CAST: variants seen among roughly 807,000 people sequenced by gnomAD.
The protein encoded by CAST is MIR583 host.
Under a neutral mutation model 119.6 loss-of-function variants are expected in CAST, and 76 were observed. That is an observed-to-expected ratio of 0.64 (90% CI 0.53 to 0.77). The LOEUF is 0.77. CAST is among the 30% of genes least tolerant of loss of function. The probability of loss-of-function intolerance (pLI) is 0.00; values close to 1 mark genes in which losing one functional copy is unlikely to be tolerated. For synonymous variants in CAST, 319 were observed against 331.6 expected (o/e 0.96, Z 0.41); for missense variants, 953 against 946.5 (o/e 1.01, Z -0.09).
the CAST span, among the ~76,000 whole-genome samples, chr5:95,989,332 T>C: frequency 2.6e-5 from 4 of 152,202 alleles, no homozygotes; most frequent in Non-Finnish European, 5.9e-5. Context: ...TTTTTAATTA[T>C]TTAGATGTTT....
intron 1 of CAST, among the ~76,000 whole-genome samples, chr5:96,563,663 ATTCT>A (rs1031413684): frequency 6.6e-6 from 1 of 152,092 alleles, no homozygotes; most frequent in African/African-American, 2.4e-5. Flanking sequence ...AAAAAAAAGC[ATTCT>A]TTATTTTTAA....
intron 3 of CAST, among the ~76,000 whole-genome samples, chr5:96,718,633 G>A (rs1160365184): frequency 1.3e-5 from 2 of 152,096 alleles, no homozygotes; most frequent in East Asian, 3.9e-4. Context: ...GGGAACCCAG[G>A]GCTCCTAAAG....
At chr5:96,452,956 C>CAAAAAAAATAAAAAAAAA in the CAST span, among the ~76,000 whole-genome samples, 1 of 62,718 alleles carries the variant, frequency 1.6e-5, no homozygotes, top group African/African-American at 1.2e-4. Flanking sequence ...GACTCCGTCT[C>CAAAAAAAATAAAAAAAAA]AAAAAAAAAA....
At chr5:96,639,908 T>C (rs1401894597) in intron 1 of CAST, among the ~76,000 whole-genome samples, 2 of 152,180 alleles carry the variant, frequency 1.3e-5, no homozygotes, top group Non-Finnish European at 2.9e-5. Flanking sequence ...GACCTTCTAA[T>C]TGACATCCAG....
chr5:96,017,635 C>T, the CAST span, among the ~76,000 whole-genome samples: 1 of 152,060 alleles, frequency 6.6e-6, no homozygotes, highest in Non-Finnish European at 1.5e-5. Flanking sequence ...TATCAAGAGT[C>T]AGTAAATCTT....
the CAST span, among the ~76,000 whole-genome samples, chr5:96,243,668 G>A: frequency 9.2e-5 from 14 of 152,180 alleles, no homozygotes; most frequent in South Asian, 2.3e-3. Flanking sequence ...TATTTTGCTC[G>A]CCAGAAATAG....
chr5:96,761,384 TAA>T (rs1767897950), intron 24 of CAST: 1 of 152,214 alleles, frequency 6.6e-6, no homozygotes, highest in African/African-American at 2.4e-5. Flanking sequence ...TATTACATTC[TAA>T]AACGGCTTTA....
upstream of CAST, chr5:96,662,329 C>CA: frequency 1.1e-6 from 1 of 906,740 alleles, no homozygotes. Context: ...CGCTCCCTCC[C>CA]TCCCTCCCTC....
chr5:96,757,662 C>T lies in CAST; in HGVS notation c.1833+8C>T, dbSNP rs1766610440. On this transcript the variant is annotated splice_region_variant and intron_variant, in intron 24 of 31. Coordinates refer to ENST00000675179, the MANE Select transcript of CAST (RefSeq NM_001750.7). The stretch of plus-strand genomic sequence containing the variant: ...CAAAATGCTTCATCTCTTGTAAGTC[C>T]AAAACTCTTGGTTTTATTTCTTTAG... The T allele has an allele frequency of 1.3e-6, 2 of 1,499,810 alleles. No homozygotes were observed. Among genetic ancestry groups the T allele is most frequent in the East Asian group, 2.3e-5 (1 of 44,300 alleles). 92.9% of individuals were successfully genotyped at this position (1,499,810 alleles called of 1,614,324 possible). A position where few individuals can be genotyped will look rare whatever the true frequency, so the allele number is the denominator to read the frequency against.
At chr5:96,234,887 T>A in the CAST span, among the ~76,000 whole-genome samples, 1 of 152,152 alleles carries the variant, frequency 6.6e-6, no homozygotes, top group Non-Finnish European at 1.5e-5. Context: ...AAATTACATA[T>A]GTAGAAAGTA....
At chr5:96,716,920 C>G (rs945339353) in intron 3 of CAST, among the ~76,000 whole-genome samples, 1 of 152,152 alleles carries the variant, frequency 6.6e-6, no homozygotes, top group Non-Finnish European at 1.5e-5. Flanking sequence ...CTTAATTGAC[C>G]TCCCATGGAG....
chr5:96,324,161 T>C, the CAST span, among the ~76,000 whole-genome samples: 106 of 152,296 alleles, frequency 7.0e-4, 3 homozygotes, highest in South Asian at 0.018. Context: ...TAATTCACCA[T>C]TCCCTAGGAC....
chr5:96,243,752 A>AT, the CAST span, among the ~76,000 whole-genome samples: 291 of 151,986 alleles, frequency 1.9e-3, 1 homozygote, highest in African/African-American at 6.5e-3. Flanking sequence ...ACATCTGCGG[A>AT]TTTTTTCTGC....
At position 96,610,188 on chromosome 5, in the gene CAST, G is replaced by A. The variant is rs149410000; in HGVS notation, c.61-65351G>A. On this transcript the variant is annotated intron_variant, in intron 1 of 11. Transcript: ENST00000505143. ...TCTTGCCTGCCACCATGTAAGATGT[G>A]CCTTTGCTCTTTATTTATCTTCCAC... 1.4e-4 allele frequency among the ~76,000 whole-genome samples: 22 copies of A among 152,298 alleles called. 1 individual carries two copies. The highest frequency in any genetic ancestry group is 1.0e-3 in the Admixed American group (16 of 15,294).
the CAST span, among the ~76,000 whole-genome samples, chr5:95,993,778 C>A: frequency 2.0e-5 from 3 of 151,888 alleles, no homozygotes; most frequent in African/African-American, 7.3e-5. Flanking sequence ...CTCTTACAAC[C>A]AATAATAAGA....
chr5:96,727,194 G>A (rs1280118655), intron 5 of CAST, among the ~76,000 whole-genome samples: 1 of 152,196 alleles, frequency 6.6e-6, no homozygotes, highest in Non-Finnish European at 1.5e-5. Flanking sequence ...GCCCATTTAT[G>A]TGTTACCATG....
chr5:96,340,049 T>C, the CAST span, among the ~76,000 whole-genome samples: 817 of 152,300 alleles, frequency 5.4e-3, 6 homozygotes, highest in African/African-American at 0.018. Flanking sequence ...AAAGACTTTA[T>C]GGTAATCGGA....
chr5:96,171,594 G>A, the CAST span, among the ~76,000 whole-genome samples: 1 of 152,246 alleles, frequency 6.6e-6, no homozygotes. Flanking sequence ...TAAACACCAA[G>A]GGAAGACTGT....
the CAST span, among the ~76,000 whole-genome samples, chr5:96,060,516 A>C: frequency 7.9e-5 from 12 of 152,144 alleles, no homozygotes; most frequent in Non-Finnish European, 1.0e-4. Context: ...CCTATCACCA[A>C]GAAAAGGTAA....
Sources: allele counts gnomAD v4.1 joint callset (sites outside exome capture counted in the v4.1 genomes callset), GRCh38; gene constraint gnomAD v4.1.1; transcripts MANE v1.5; gene names NCBI Gene and HGNC (gene_info 2026-07-23, HGNC 2026-07-21).